Variants in ALPG observed in about 807,000 individuals in gnomAD.
ALPG encodes alkaline phosphatase, germ cell, also known as alkaline phosphatase, germ cell type.
ALPG carries 32 observed loss-of-function variants against 48.6 expected under a neutral mutation model. The ratio of observed to expected loss-of-function variants is 0.66; its 90% CI spans 0.50 to 0.88. ALPG has a LOEUF of 0.88. Ranked by LOEUF, ALPG falls within the 40% of genes least tolerant of loss-of-function variation. The pLI, the probability that ALPG is intolerant of heterozygous loss-of-function variation, is 0.00. For synonymous variants in ALPG, 244 were observed against 308.9 expected (o/e 0.79, Z 2.20); for missense variants, 533 against 718.1 (o/e 0.74, Z 2.95).
chr2:232,409,737 G>C lies in ALPG; in HGVS notation c.1464G>C (p.Glu488Asp), dbSNP rs149256191. 1.2e-3 allele frequency: 2,009 copies of C among 1,609,726 alleles called. 4 individuals are homozygous for C. The highest frequency in any genetic ancestry group is 1.5e-3 in the Non-Finnish European group (1,769 of 1,178,576). ...AHVMAFAACLEPYTACDLAPR... is the reference protein window; with the variant it reads ...AHVMAFAACLDPYTACDLAPR... ...TCATGGCCTTCGCCGCCTGCCTGGA[G>C]CCCTACACCGCCTGCGACCTGGCGC... is the stretch of plus-strand genomic sequence containing the variant. Residue 488 changes from glutamate to aspartate, a missense_variant, in exon 11 of 11, where the codon GAG becomes GAC. Glu to Asp is a conservative substitution (Grantham distance 45). Coordinates refer to ENST00000295453, the MANE Select transcript of ALPG (RefSeq NM_031313.3).
chr2:232,410,132 A>G lies in ALPG; in HGVS notation c.*260A>G, dbSNP rs867270335. On this transcript the variant is annotated 3_prime_UTR_variant, in exon 11 of 11. Coordinates refer to ENST00000295453, the MANE Select transcript of ALPG (RefSeq NM_031313.3). ...GCCTGGCAGCTGCCTGCATTTCAGG[A>G]AAAGAGGAGGCTCAGACCATCCAGC... The G allele has an allele frequency of 1.3e-5, 8 of 604,650 alleles. No homozygotes were observed. The highest frequency in any genetic ancestry group is 4.5e-4 in the Middle Eastern group (1 of 2,208). The allele number at this position is 604,650 out of a possible 1,614,324, so 37.5% of individuals were successfully genotyped here. A position where few individuals can be genotyped will look rare whatever the true frequency, so the allele number is the denominator to read the frequency against.
At position 232,407,874 on chromosome 2, in the gene ALPG, C is replaced by G. The variant is rs747056715; in HGVS notation, c.505C>G (p.Arg169Gly). The G allele has an allele frequency of 6.2e-7, 1 of 1,613,386 alleles. No homozygotes were observed. The highest frequency in any genetic ancestry group is 8.5e-7 in the Non-Finnish European group (1 of 1,180,036). The change falls in exon 5 of 11, where the codon CGG (arginine) becomes GGG (glycine). Residue 169 changes from arginine to glycine, a missense_variant. Arg to Gly is a moderately radical substitution (Grantham distance 125). This residue lies in a region of ALPG where 315 missense variants were observed against 305.8 expected (regional missense o/e 1.03). Coordinates refer to ENST00000295453, the MANE Select transcript of ALPG (RefSeq NM_031313.3). The part of the protein sequence containing the change: ...GKSVGVVTTT[R>G]VQHASPAGAY... Reference sequence around the variant, plus strand: ...GTCAGTGGGAGTGGTAACCACCACACGGGTGCAGCATGCCTCGCCAGCCGG... The same window carrying G: ...GTCAGTGGGAGTGGTAACCACCACAGGGGTGCAGCATGCCTCGCCAGCCGG...
intron 10 of ALPG, 40 bp from the exon 11 acceptor site, chr2:232,409,534 G>A (rs1209321782): frequency 1.9e-6 from 3 of 1,611,746 alleles, no homozygotes; most frequent in Middle Eastern, 3.3e-4. Context: ...TTGTCTGCCT[G>A]GAACTGAAAC....
In ALPG at chr2:232,409,779, C is replaced by A. The variant is rs375861009; in HGVS notation, c.1506C>A (p.Thr502=). ...ACDLAPRAGT[T]DAAHPGPSVV... ...ACCTGGCGCCCCGCGCCGGCACCAC[C>A]GACGCCGCGCACCCGGGGCCGTCCG... The change falls in exon 11 of 11, where the codon ACC becomes ACA. Residue 502 remains threonine, a synonymous_variant. Transcript: ENST00000295453. 34 of 1,603,668 alleles carry A rather than the reference C, an allele frequency of 2.1e-5. 1 individual carries two copies. The highest frequency in any genetic ancestry group is 2.9e-5 in the Non-Finnish European group (34 of 1,176,010).
Position 232,410,105 on chromosome 2 carries a change from G to C in ALPG, c.*233G>C, listed in dbSNP as rs1280002018. 8 of 654,640 alleles carry C rather than the reference G, an allele frequency of 1.2e-5. No individual in the cohort carries two copies. The highest frequency in any genetic ancestry group is 1.5e-5 in the Non-Finnish European group (6 of 394,448). 40.6% of individuals were successfully genotyped at this position (654,640 alleles called of 1,614,324 possible). Reference sequence around the variant, plus strand: ...CCCCAACTCCAGGGACTGGGGATTTGTGCCTGGCAGCTGCCTGCATTTCAG... The same window carrying C: ...CCCCAACTCCAGGGACTGGGGATTTCTGCCTGGCAGCTGCCTGCATTTCAG... On this transcript the variant is annotated 3_prime_UTR_variant, in exon 11 of 11. Transcript: ENST00000295453.
intron 5 of ALPG, 56 bp from the exon 6 acceptor site, chr2:232,408,211 G>T: frequency 6.2e-7 from 1 of 1,605,458 alleles, no homozygotes; most frequent in South Asian, 1.1e-5. Context: ...TGCATGAGGA[G>T]GGGACACGGG....
At position 232,407,700 on chromosome 2, in the gene ALPG, G is replaced by T. The variant is rs139491713; in HGVS notation, c.407G>T (p.Arg136Leu). The change falls in exon 4 of 11, where the codon CGC (arginine) becomes CTC (leucine). Residue 136 changes from arginine (R) to leucine (L), a missense_variant. Physicochemically the swap from Arg to Leu is moderately radical, Grantham distance 102. This residue lies in a region of ALPG where 315 missense variants were observed against 305.8 expected (regional missense o/e 1.03). Transcript: ENST00000295453. ...ACCATTGGCTTGAGTGCAGCCGCCC[G>T]CTTTAACCAGTGCAACACGACACGC... ...FQTIGLSAAA[R>L]FNQCNTTRGN... is the part of the protein sequence containing the mutation. 54 of 1,613,742 alleles carry T rather than the reference G, an allele frequency of 3.3e-5. No individual in the cohort carries two copies. In the African/African-American group the frequency reaches 6.5e-4, roughly 20 times the overall value.
At position 232,408,762 on chromosome 2, in the gene ALPG, C is replaced by T. The variant is rs199600879; in HGVS notation, c.915C>T (p.Pro305=). Residue 305 remains proline (P), a synonymous_variant, in exon 8 of 11, where the codon CCC becomes CCT. Transcript: ENST00000295453. ...YEIHRDSTLD[P]SLMEMTEAAL... ...TCCACCGAGACTCCACACTGGACCC[C>T]TCCCTGATGGAGATGACAGAGGCTG... The T allele has an allele frequency of 1.7e-6, 2 of 1,186,070 alleles. No homozygotes were observed. The highest frequency in any genetic ancestry group is 4.3e-5 in the Admixed American group (2 of 47,046). 73.5% of individuals were successfully genotyped at this position (1,186,070 alleles called of 1,614,324 possible). A position where few individuals can be genotyped will look rare whatever the true frequency, so the allele number is the denominator to read the frequency against.
At position 232,410,155 on chromosome 2, in the gene ALPG, A is replaced by C. The variant is rs1250416872; in HGVS notation, c.*283A>C. On this transcript the variant is annotated 3_prime_UTR_variant, in exon 11 of 11. Coordinates refer to ENST00000295453, the MANE Select transcript of ALPG (RefSeq NM_031313.3). The stretch of plus-strand genomic sequence containing the variant: ...GGAAAAGAGGAGGCTCAGACCATCC[A>C]GCCCCCGCCCATATCCTGAGGTGGA... 1 of 559,412 alleles carries C rather than the reference A, an allele frequency of 1.8e-6. No homozygotes were observed. Among genetic ancestry groups the C allele is most frequent in the African/African-American group, 1.9e-5 (1 of 52,084 alleles). 34.7% of individuals were successfully genotyped at this position (559,412 alleles called of 1,614,324 possible).
intron 2 of ALPG, 44 bp downstream of exon 2, chr2:232,407,217 G>C (rs755470072): frequency 6.2e-7 from 1 of 1,613,870 alleles, no homozygotes. Context: ...TCACAGCCCC[G>C]GCGCCCGGAC....
chr2:232,406,867 C>A lies in ALPG; in HGVS notation c.-28C>A, dbSNP rs758423326. On this transcript the variant is annotated 5_prime_UTR_variant, in exon 1 of 11. Transcript: ENST00000295453. ...TCATACTCCATACCTGGGATTTCCG[C>A]CTCGCCGCTCTCCGACTGCTTCCAG... 2 of 1,599,250 alleles carry A rather than the reference C, an allele frequency of 1.3e-6. No homozygotes were observed. Among genetic ancestry groups the A allele is most frequent in the Admixed American group, 1.7e-5 (1 of 58,624 alleles).
chr2:232,410,283 G>A lies in ALPG; in HGVS notation c.*411G>A. 1 of 232,464 alleles carries A rather than the reference G, an allele frequency of 4.3e-6. No individual in the cohort carries two copies. The highest frequency in any genetic ancestry group is 8.3e-6 in the Non-Finnish European group (1 of 120,174). The allele number at this position is 232,464 out of a possible 1,614,324, so 14.4% of individuals were successfully genotyped here. A position where few individuals can be genotyped will look rare whatever the true frequency, so the allele number is the denominator to read the frequency against. On this transcript the variant is annotated 3_prime_UTR_variant, in exon 11 of 11. Transcript: ENST00000295453. ...CAGCACCTGAGGGACACAAGGACTT[G>A]GGTGCATCAGGACGCCTTGGAGAAG...
rs1575055319 is a variant in ALPG at position 232,409,363 on chromosome 2, G to A, written c.1215G>A (p.Lys405=). 1.9e-6 allele frequency: 3 copies of A among 1,593,986 alleles called. No homozygotes were observed. The African/African-American group carries it at 4.1e-5, about 22-fold the overall frequency. The change falls in exon 10 of 11, where the codon AAG becomes AAA. Residue 405 remains lysine (K), a synonymous_variant. Coordinates refer to ENST00000295453, the MANE Select transcript of ALPG (RefSeq NM_031313.3). ...GLAPGKARDR[K]AYTVLLYGNG... Reference sequence around the variant, plus strand: ...CCCCTGGCAAGGCCCGGGACAGGAAGGCCTACACGGTCCTCCTATACGGAA... The same window carrying A: ...CCCCTGGCAAGGCCCGGGACAGGAAAGCCTACACGGTCCTCCTATACGGAA...
At position 232,409,999 on chromosome 2, in the gene ALPG, G is replaced by T. The variant is rs920082159; in HGVS notation, c.*127G>T. The stretch of plus-strand genomic sequence containing the variant: ...GTCGCCACACAGACGTCCTGCCATG[G>T]AACCTTCCCCTCCCGGTGCACCCTG... On this transcript the variant is annotated 3_prime_UTR_variant, in exon 11 of 11. Transcript: ENST00000295453. 8.0e-6 allele frequency: 11 copies of T among 1,368,366 alleles called. No homozygotes were observed. In the African/African-American group the frequency reaches 1.6e-4, roughly 20 times the overall value. The allele number at this position is 1,368,366 out of a possible 1,614,324, so 84.8% of individuals were successfully genotyped here. A position where few individuals can be genotyped will look rare whatever the true frequency, so the allele number is the denominator to read the frequency against.
In ALPG at chr2:232,409,639, G is replaced by A. The variant is rs765618794; in HGVS notation, c.1366G>A (p.Val456Met). Residue 456 changes from valine to methionine, a missense_variant, in exon 11 of 11, where the codon GTG becomes ATG. By Grantham distance (21) the Val-to-Met change is conservative (BLOSUM62 1). Coordinates refer to ENST00000295453, the MANE Select transcript of ALPG (RefSeq NM_031313.3). Reference sequence around the variant, plus strand: ...CGGAGAGACCCACGCAGGCGAGGACGTGGCGGTGTTCGCGCGCGGCCCGCA... The same window carrying A: ...CGGAGAGACCCACGCAGGCGAGGACATGGCGGTGTTCGCGCGCGGCCCGCA... ...LDGETHAGED[V>M]AVFARGPQAH... 5 of 1,612,450 alleles carry A rather than the reference G, an allele frequency of 3.1e-6. No individual in the cohort carries two copies. Among genetic ancestry groups the A allele is most frequent in the Non-Finnish European group, 3.4e-6 (4 of 1,179,632 alleles).
chr2:232,409,967 C>T lies in ALPG; in HGVS notation c.*95C>T, dbSNP rs1697160856. Reference sequence around the variant, plus strand: ...CCGGACCTCCACCTGGAGCTGTCACCCCCGGAGTCGCCACACAGACGTCCT... The same window carrying T: ...CCGGACCTCCACCTGGAGCTGTCACTCCCGGAGTCGCCACACAGACGTCCT... On this transcript the variant is annotated 3_prime_UTR_variant, in exon 11 of 11. Coordinates refer to ENST00000295453, the MANE Select transcript of ALPG (RefSeq NM_031313.3). 8 of 1,449,592 alleles carry T rather than the reference C, an allele frequency of 5.5e-6. No individual in the cohort carries two copies. Among genetic ancestry groups the T allele is most frequent in the Non-Finnish European group, 7.2e-6 (8 of 1,106,022 alleles). The allele number at this position is 1,449,592 out of a possible 1,614,324, so 89.8% of individuals were successfully genotyped here.
Position 232,407,986 on chromosome 2 carries a change from C to T in ALPG, c.617C>T (p.Ala206Val). Residue 206 changes from alanine to valine, a missense_variant, in exon 5 of 11, where the codon GCC (alanine) becomes GTC (valine). Around this residue, in one of 6 missense-constraint regions of ALPG, gnomAD observed 315 missense variants for 305.8 expected, o/e 1.03. Transcript: ENST00000295453. ...CGCCAGGAGGGGTGCCAGGACATCG[C>T]CACGCAGCTCATCTCCAACATGGAC... The part of the protein sequence containing the change: ...SARQEGCQDI[A>V]TQLISNMDID... 1 of 1,612,644 alleles carries T rather than the reference C, an allele frequency of 6.2e-7. No homozygotes were observed. Among genetic ancestry groups the T allele is most frequent in the Non-Finnish European group, 8.5e-7 (1 of 1,179,702 alleles).
At chr2:232,407,494 G>A in intron 3 of ALPG, 93 bp downstream of exon 3, 4 of 1,590,868 alleles carry the variant, frequency 2.5e-6, no homozygotes, top group Non-Finnish European at 3.4e-6. Flanking sequence ...AACAGCTGGG[G>A]CTCCAATAAG....
Position 232,409,574 on chromosome 2 carries a change from GGAGCCCC to G in ALPG, c.1305_1311del (p.Pro436IlefsTer40). The stretch of plus-strand genomic sequence containing the variant: ...TACTGAAACTGAACCCTCCAACCAG[GGAGCCCC>G]GAGTATCGGCAGCAGTCAGCAGTGC... On this transcript the variant is annotated frameshift_variant and splice_region_variant, in exon 11 of 11. Coordinates refer to ENST00000295453, the MANE Select transcript of ALPG (RefSeq NM_031313.3). LOFTEE classifies it low-confidence loss of function (END_TRUNC). 6.2e-7 allele frequency: 1 copy of G among 1,612,736 alleles called. No homozygotes were observed. Among genetic ancestry groups the G allele is most frequent in the South Asian group, 1.1e-5 (1 of 90,948 alleles).
Sources: gnomAD v4.1 joint callset for allele counts on GRCh38, gnomAD v4.1.1 for gene constraint, gnomAD v4.1.1 regional missense constraint, MANE v1.5 for transcripts, NCBI Gene and HGNC (gene_info 2026-07-23, HGNC 2026-07-21) for gene names.